Variants in ZNF704 observed in about 807,000 individuals in gnomAD.
ZNF704 encodes the protein glucocorticoid induced gene 1.
Under a neutral mutation model 44.7 loss-of-function variants are expected in ZNF704, and 10 were observed. That is an observed-to-expected ratio of 0.22 (90% CI 0.14 to 0.38). ZNF704 has a LOEUF of 0.38. Ranked by LOEUF, ZNF704 falls within the 10% of genes least tolerant of loss-of-function variation. ZNF704 has a pLI of 1.00. For missense variants in ZNF704, 390 were observed against 545.5 expected (o/e 0.71, Z 2.84); for synonymous variants, 211 against 207.6 (o/e 1.02, Z -0.14).
chr8:80,734,048 T>C (rs1406985266), intron 2 of ZNF704, among the ~76,000 whole-genome samples: 4 of 152,234 alleles, frequency 2.6e-5, no homozygotes, highest in Non-Finnish European at 5.9e-5. Context: ...ATTCTCCAGA[T>C]GGTGTTTCGA....
At chr8:80,831,607 GT>G (rs1212357378) in intron 1 of ZNF704, among the ~76,000 whole-genome samples, 1 of 152,194 alleles carries the variant, frequency 6.6e-6, no homozygotes, top group Non-Finnish European at 1.5e-5. Flanking sequence ...AAAACATCTG[GT>G]TAGAAGGACA....
At chr8:80,865,375 A>G (rs1426352548) in intron 1 of ZNF704, among the ~76,000 whole-genome samples, 2 of 152,206 alleles carry the variant, frequency 1.3e-5, no homozygotes, top group Admixed American at 1.3e-4. Flanking sequence ...CTGAACCCAG[A>G]GCCTGTGCCA....
intron 2 of ZNF704, among the ~76,000 whole-genome samples, chr8:80,695,451 C>G (rs1818710348): frequency 6.6e-6 from 1 of 152,338 alleles, no homozygotes; most frequent in Middle Eastern, 3.4e-3. Context: ...GCCCGTGCAC[C>G]TGGTATAGGT....
intron 2 of ZNF704, among the ~76,000 whole-genome samples, chr8:80,783,682 C>A (rs192152043): frequency 2.5e-3 from 386 of 152,216 alleles, no homozygotes; most frequent in African/African-American, 9.0e-3. Flanking sequence ...ACCTGTACAA[C>A]CTTTCCCACT....
chr8:80,730,530 C>T (rs997911622), intron 2 of ZNF704, among the ~76,000 whole-genome samples: 2 of 89,386 alleles, frequency 2.2e-5, no homozygotes, highest in Non-Finnish European at 3.9e-5. Flanking sequence ...CAGAGCAAGA[C>T]TACATCTTAA....
chr8:80,658,766 G>A (rs547348843), intron 7 of ZNF704: 1 of 152,288 alleles, frequency 6.6e-6, no homozygotes, highest in South Asian at 2.1e-4. Context: ...CACAGAAGGC[G>A]TTAGACTTTG....
At chr8:80,744,692 G>A (rs1055217919) in intron 2 of ZNF704, among the ~76,000 whole-genome samples, 5 of 152,134 alleles carry the variant, frequency 3.3e-5, no homozygotes, top group African/African-American at 4.8e-5. Flanking sequence ...GCCAGGGAAC[G>A]GGTGATCTTT....
chr8:80,873,952 G>GGCGGGC (rs1809309084), intron 1 of ZNF704, among the ~76,000 whole-genome samples: 1 of 146,622 alleles, frequency 6.8e-6, no homozygotes, highest in Non-Finnish European at 1.5e-5. Flanking sequence ...CGGCTTCCTT[G>GGCGGGC]GCGGGCGCGG....
chr8:80,872,880 G>C (rs1809277539), intron 1 of ZNF704, among the ~76,000 whole-genome samples: 1 of 151,986 alleles, frequency 6.6e-6, no homozygotes, highest in Admixed American at 6.6e-5. Context: ...TTTTGAGGAG[G>C]GAAAAAAACC....
chr8:80,799,546 G>C (rs1204180828), intron 2 of ZNF704, among the ~76,000 whole-genome samples: 1 of 152,016 alleles, frequency 6.6e-6, no homozygotes, highest in Non-Finnish European at 1.5e-5. Context: ...CAGACCCCCA[G>C]CAAACCACAG....
At chr8:80,644,543 G>A (rs541679348) in intron 7 of ZNF704, among the ~76,000 whole-genome samples, 1 of 152,128 alleles carries the variant, frequency 6.6e-6, no homozygotes, top group South Asian at 2.1e-4. Flanking sequence ...CCAGTACACT[G>A]AAACATAAAT....
rs190908676 is a variant in ZNF704 at position 80,671,975 on chromosome 8, G to A, written c.559-1372C>T. On this transcript the variant is annotated intron_variant, in intron 4 of 8. Coordinates refer to ENST00000327835, the MANE Select transcript of ZNF704 (RefSeq NM_001033723.3). ...CTTTTGGCAGTCTGGTGAAACCTAC[G>A]AATCCTTCTCAGAATAGTGGTTTTT... Among the ~76,000 whole-genome samples the A allele has an allele frequency of 3.3e-3, 509 of 152,184 alleles. 1 individual carries two copies. The highest frequency in any genetic ancestry group is 0.01 in the Middle Eastern group (3 of 294).
chr8:80,824,229 T>C (rs1005981597), intron 1 of ZNF704, among the ~76,000 whole-genome samples: 3 of 152,112 alleles, frequency 2.0e-5, no homozygotes, highest in African/African-American at 7.2e-5. Flanking sequence ...AAGAAGACCT[T>C]AAATGACCTG....
intron 6 of ZNF704, 144 bp downstream of exon 6, chr8:80,664,671 G>A: frequency 2.1e-6 from 2 of 970,318 alleles, no homozygotes; most frequent in Non-Finnish European, 3.1e-6. Context: ...GAGATCTTAG[G>A]CTTTAAAGGG....
chr8:80,846,851 C>G (rs1302919225), intron 1 of ZNF704, among the ~76,000 whole-genome samples: 1 of 152,172 alleles, frequency 6.6e-6, no homozygotes, highest in African/African-American at 2.4e-5. Context: ...TATATACTTA[C>G]AATAAATGTG....
chr8:80,781,290 A>G (rs938931758), intron 2 of ZNF704, among the ~76,000 whole-genome samples: 1 of 152,180 alleles, frequency 6.6e-6, no homozygotes, highest in African/African-American at 2.4e-5. Context: ...ATATCTGTAA[A>G]TATTTTAGGC....
chr8:80,745,997 A>G (rs778139201), intron 2 of ZNF704, among the ~76,000 whole-genome samples: 30 of 152,188 alleles, frequency 2.0e-4, no homozygotes, highest in Non-Finnish European at 4.3e-4. Context: ...CTTTCTCACA[A>G]CTCAGACTTT....
intron 2 of ZNF704, among the ~76,000 whole-genome samples, chr8:80,738,323 C>A (rs933651029): frequency 9.9e-5 from 15 of 152,182 alleles, no homozygotes; most frequent in African/African-American, 3.6e-4. Flanking sequence ...TACTCCTTCT[C>A]TACCTCCTGG....
At chr8:80,725,539 A>C (rs1410325619) in intron 2 of ZNF704, among the ~76,000 whole-genome samples, 1 of 152,154 alleles carries the variant, frequency 6.6e-6, no homozygotes, top group East Asian at 1.9e-4. Context: ...TCTCAGATAC[A>C]TAGGGGATGG....
Sources: allele counts gnomAD v4.1 joint callset (sites outside exome capture counted in the v4.1 genomes callset), GRCh38; gene constraint gnomAD v4.1.1; transcripts MANE v1.5; gene names NCBI Gene and HGNC (gene_info 2026-07-23, HGNC 2026-07-21).